NXNL2: variants seen among roughly 807,000 people sequenced by gnomAD.
The protein encoded by NXNL2 is nucleoredoxin-like protein 2.
A neutral mutation model predicts 11.1 loss-of-function variants in NXNL2; 7 were observed. The ratio of observed to expected loss-of-function variants is 0.63; its 90% CI spans 0.36 to 1.18. The LOEUF is 1.18. NXNL2 is among the 50% of genes most tolerant of loss of function. NXNL2 has a pLI of 0.02. For missense variants in NXNL2, 233 were observed against 217.7 expected, an observed-to-expected ratio of 1.07 and a Z score of -0.44; for synonymous variants, 109 against 101.8, an observed-to-expected ratio of 1.07 and a Z score of -0.42.
chr9:88,569,391 T>C (rs539083799), intron 1 of NXNL2, among the ~76,000 whole-genome samples: 2 of 152,346 alleles, frequency 1.3e-5, no homozygotes, highest in Non-Finnish European at 2.9e-5. Context: ...GTATGTAGTT[T>C]CTTGCCAGCA....
rs1327762015 is a variant in NXNL2, at chr9:88,551,348, TC to T, written c.302+15613del. ...GACCTCTAACATCCTTATATTTTTC[TC>T]TTCTATCTGCCATCTCTTTTTATTT... On this transcript the variant is annotated intron_variant, in intron 1 of 2. Coordinates refer to the NXNL2 transcript ENST00000375855. Among the ~76,000 whole-genome samples the T allele has an allele frequency of 5.3e-4, 81 of 152,314 alleles. 1 individual carries two copies. Among genetic ancestry groups the T allele is most frequent in the African/African-American group, 1.8e-3 (74 of 41,566 alleles).
chr9:88,584,185 T>G (rs1830437639), exon 2 of NXNL2: 1 of 152,242 alleles, frequency 6.6e-6, no homozygotes, highest in African/African-American at 2.4e-5. Context: ...TTTCTAAACA[T>G]GAAATCATCT....
intron 1 of NXNL2, among the ~76,000 whole-genome samples, chr9:88,556,538 G>A (rs1830013317): frequency 6.6e-6 from 1 of 152,088 alleles, no homozygotes; most frequent in Admixed American, 6.6e-5. Context: ...TGTGCTGATT[G>A]GTCCATAAGC....
At chr9:88,556,774 G>A (rs1830017242) in intron 1 of NXNL2, among the ~76,000 whole-genome samples, 1 of 152,090 alleles carries the variant, frequency 6.6e-6, no homozygotes, top group East Asian at 1.9e-4. Context: ...TATGCATTCA[G>A]CCTTCCATAG....
downstream of NXNL2, among the ~76,000 whole-genome samples, chr9:88,579,240 A>C (rs1587858907): frequency 6.6e-6 from 1 of 152,158 alleles, no homozygotes; most frequent in East Asian, 1.9e-4. Flanking sequence ...TCAGCAGGAG[A>C]TGGAACTCAG....
intron 1 of NXNL2, among the ~76,000 whole-genome samples, chr9:88,552,487 T>G (rs1352277078): frequency 1.3e-5 from 2 of 151,204 alleles, no homozygotes; most frequent in African/African-American, 4.9e-5. Flanking sequence ...TTTTTTTTTT[T>G]TTTGAGATGG....
chr9:88,577,307 G>T (rs541821924), downstream of NXNL2, among the ~76,000 whole-genome samples: 13 of 151,792 alleles, frequency 8.6e-5, no homozygotes, highest in Non-Finnish European at 1.3e-4. Flanking sequence ...GGGCGGGGGG[G>T]GCGGCATGAG....
chr9:88,569,092 A>G (rs569033278), intron 1 of NXNL2, among the ~76,000 whole-genome samples: 1 of 152,060 alleles, frequency 6.6e-6, no homozygotes, highest in Non-Finnish European at 1.5e-5. Flanking sequence ...ACACCAGGAT[A>G]ATTTTTTTGT....
chr9:88,579,228 T>C (rs1446049381), downstream of NXNL2, among the ~76,000 whole-genome samples: 2 of 152,194 alleles, frequency 1.3e-5, no homozygotes, highest in Non-Finnish European at 2.9e-5. Context: ...ATCTTGACTT[T>C]CTCAGCAGGA....
intron 1 of NXNL2, among the ~76,000 whole-genome samples, chr9:88,552,082 C>G (rs1313687832): frequency 6.6e-6 from 1 of 152,168 alleles, no homozygotes; most frequent in Non-Finnish European, 1.5e-5. Context: ...AAGGGGGCTT[C>G]TGGAGCCACT....
downstream of NXNL2, among the ~76,000 whole-genome samples, chr9:88,578,260 C>T (rs1385804277): frequency 3.3e-5 from 5 of 152,258 alleles, no homozygotes; most frequent in South Asian, 4.1e-4. Context: ...AGGTGGGCTG[C>T]GCTGGACCCC....
intron 1 of NXNL2, among the ~76,000 whole-genome samples, chr9:88,560,348 AC>A (rs1830071144): frequency 6.6e-6 from 1 of 151,704 alleles, no homozygotes; most frequent in Non-Finnish European, 1.5e-5. Context: ...CAGAAAAGAG[AC>A]GGAAAGGCTG....
downstream of NXNL2, among the ~76,000 whole-genome samples, chr9:88,548,408 A>G (rs1587845308): frequency 7.1e-6 from 1 of 140,480 alleles, no homozygotes; most frequent in Admixed American, 7.6e-5. Context: ...TCATGCCTGT[A>G]ATCCTAGCAC....
chr9:88,569,489 A>G (rs1300045318), intron 1 of NXNL2, among the ~76,000 whole-genome samples: 1 of 152,168 alleles, frequency 6.6e-6, no homozygotes, highest in African/African-American at 2.4e-5. Context: ...TCCTTAGTAT[A>G]ATTTTTCATC....
At position 88,544,445 on chromosome 9, in the gene NXNL2, G is replaced by A. The variant is rs1829819450; in HGVS notation, c.369G>A (p.Glu123=). 1 of 1,551,844 alleles carries A rather than the reference G, an allele frequency of 6.4e-7. No individual in the cohort carries two copies. The highest frequency in any genetic ancestry group is 8.7e-7 in the Non-Finnish European group (1 of 1,147,020). ...PKLVIVKQNG[E]VITNKGRKQI... is the part of the protein sequence containing the mutation. ...TTGTGATTGTGAAACAAAATGGGGA[G>A]GTCATCACCAACAAAGGGCGGAAGC... The change falls in exon 2 of 2, where the codon GAG becomes GAA. Residue 123 remains glutamate, a synonymous_variant. Coordinates refer to ENST00000375854, the MANE Select transcript of NXNL2 (RefSeq NM_001161625.2).
chr9:88,544,703 C>T lies in NXNL2; in HGVS notation c.*156C>T, dbSNP rs115978059. 9.0e-4 allele frequency: 1,271 copies of T among 1,410,144 alleles called. 15 individuals are homozygous for T. In the African/African-American group the frequency reaches 0.016, roughly 18 times the overall value. 87.4% of individuals were successfully genotyped at this position (1,410,144 alleles called of 1,614,324 possible). ...CTGTGGTCAAAAAGCAACTATTGCT[C>T]AGGAAATAATACACTCCATATTTTG... On this transcript the variant is annotated 3_prime_UTR_variant, in exon 2 of 2. Transcript: ENST00000375854.
chr9:88,578,039 A>G (rs1830366747), downstream of NXNL2, among the ~76,000 whole-genome samples: 1 of 152,236 alleles, frequency 6.6e-6, no homozygotes, highest in Non-Finnish European at 1.5e-5. Flanking sequence ...GAAATTGGGA[A>G]GACTTCACGT....
chr9:88,563,546 T>C (rs1345752430), intron 1 of NXNL2, among the ~76,000 whole-genome samples: 4 of 152,184 alleles, frequency 2.6e-5, no homozygotes, highest in Non-Finnish European at 5.9e-5. Context: ...GGATTCCCAG[T>C]ACTCACTCCA....
intron 1 of NXNL2, among the ~76,000 whole-genome samples, chr9:88,543,697 T>G (rs935440320): frequency 6.6e-6 from 1 of 152,228 alleles, no homozygotes; most frequent in Non-Finnish European, 1.5e-5. Flanking sequence ...ACTAGCCACT[T>G]GTGACAACTT....
Sources: allele counts gnomAD v4.1 joint callset (sites outside exome capture counted in the v4.1 genomes callset), GRCh38; gene constraint gnomAD v4.1.1; transcripts MANE v1.5; gene names NCBI Gene and HGNC (gene_info 2026-07-23, HGNC 2026-07-21).